SLC16A1: variants seen among roughly 807,000 people sequenced by gnomAD.
The protein encoded by SLC16A1 is solute carrier family 16 member 1, also known as monocarboxylate transporter 1.
Under a neutral mutation model 32.2 loss-of-function variants are expected in SLC16A1, and 11 were observed. The observed-to-expected ratio is 0.34, with a 90% confidence interval of 0.21 to 0.56. SLC16A1 has a LOEUF of 0.56. Ranked by LOEUF, SLC16A1 falls within the 20% of genes least tolerant of loss-of-function variation. The pLI, the probability that SLC16A1 is intolerant of heterozygous loss-of-function variation, is 0.87. For missense variants in SLC16A1, 435 were observed against 615.0 expected, an observed-to-expected ratio of 0.71 and a Z score of 3.10; for synonymous variants, 231 against 226.8, an observed-to-expected ratio of 1.02 and a Z score of -0.17.
At chr1:112,916,937 A>G (rs538136130) in intron 4 of SLC16A1, among the ~76,000 whole-genome samples, 2 of 152,324 alleles carry the variant, frequency 1.3e-5, no homozygotes, top group East Asian at 3.9e-4. Flanking sequence ...TCAAAAAAAA[A>G]GAAAAAACAC....
intron 1 of SLC16A1, among the ~76,000 whole-genome samples, chr1:112,931,602 G>A (rs541999710): frequency 6.7e-5 from 9 of 135,040 alleles, no homozygotes; most frequent in African/African-American, 2.6e-4. Flanking sequence ...CCGGGATCAT[G>A]CCACTGCACT....
chr1:112,927,027 G>A (rs564728016), intron 2 of SLC16A1, among the ~76,000 whole-genome samples: 13 of 151,254 alleles, frequency 8.6e-5, no homozygotes, highest in African/African-American at 2.9e-4. Flanking sequence ...TGGGGAGGCT[G>A]AGGCAGGAGG....
intron 1 of SLC16A1, among the ~76,000 whole-genome samples, chr1:112,938,215 T>A (rs1649376077): frequency 6.6e-6 from 1 of 152,168 alleles, no homozygotes; most frequent in Admixed American, 6.5e-5. Flanking sequence ...TGTTAATGAG[T>A]GTAAACTAGT....
chr1:112,916,216 T>G (rs1648498892), intron 4 of SLC16A1, among the ~76,000 whole-genome samples: 1 of 151,270 alleles, frequency 6.6e-6, no homozygotes, highest in South Asian at 2.1e-4. Context: ...AAAAAATTTA[T>G]GGATCAGGCA....
chr1:112,940,749 C>T (rs1369999464), intron 1 of SLC16A1, among the ~76,000 whole-genome samples: 2 of 152,082 alleles, frequency 1.3e-5, no homozygotes, highest in African/African-American at 4.8e-5. Flanking sequence ...AAAGTATGCA[C>T]ATACTTCTTA....
Position 112,917,812 on chromosome 1 carries a change from G to A in SLC16A1, c.594C>T (p.Ile198=), listed in dbSNP as rs755634416. 8.7e-6 allele frequency: 14 copies of A among 1,614,026 alleles called. No homozygotes were observed. The South Asian group carries it at 8.8e-5, about 10-fold the overall frequency. ...CCVAGALMRP[I]GPKPTKAGKD... ...TCCCTGCCTTGGTTGGCTTGGGCCC[G>A]ATTGGTCGCATGAGGGCTCCAGCAA... Residue 198 remains isoleucine, a synonymous_variant, in exon 4 of 5, where the codon ATC becomes ATT. Transcript: ENST00000369626. This position sits in a 1 kb window ranked among gnomAD's most constrained non-coding sequence, Gnocchi z 4.1.
At chr1:112,923,745 C>G in intron 2 of SLC16A1, 1 of 1,527,936 alleles carries the variant, frequency 6.5e-7, no homozygotes, top group Non-Finnish European at 9.1e-7. Flanking sequence ...CCAGCTGCAC[C>G]AGGAGGGCAA....
chr1:112,937,938 TTC>T (rs1242015075), intron 1 of SLC16A1, among the ~76,000 whole-genome samples: 1 of 152,172 alleles, frequency 6.6e-6, no homozygotes, highest in African/African-American at 2.4e-5. Flanking sequence ...CTTCTAGATT[TTC>T]TGATATTTTT....
At chr1:112,945,804 C>G (rs1276048697) in intron 1 of SLC16A1, among the ~76,000 whole-genome samples, 1 of 151,720 alleles carries the variant, frequency 6.6e-6, no homozygotes, top group Non-Finnish European at 1.5e-5. Context: ...ACCAGCCTGA[C>G]CAACATGGAG....
At chr1:112,914,653 A>C (rs1362357658) in intron 4 of SLC16A1, among the ~76,000 whole-genome samples, 1 of 152,260 alleles carries the variant, frequency 6.6e-6, no homozygotes, top group Non-Finnish European at 1.5e-5. Flanking sequence ...TCTTTATAAC[A>C]GGCAGATTCT....
chr1:112,941,511 G>A (rs1365304352), intron 1 of SLC16A1, among the ~76,000 whole-genome samples: 1 of 152,070 alleles, frequency 6.6e-6, no homozygotes, highest in African/African-American at 2.4e-5. Context: ...TCAAACCCCC[G>A]ACCTCAGGTC....
At chr1:112,945,702 C>A (rs1431170487) in intron 1 of SLC16A1, among the ~76,000 whole-genome samples, 6 of 149,812 alleles carry the variant, frequency 4.0e-5, no homozygotes, top group African/African-American at 1.5e-4. Flanking sequence ...AAAAAAATTA[C>A]CTACTGTTGT....
At chr1:112,919,549 C>T (rs1648642885) in intron 3 of SLC16A1, among the ~76,000 whole-genome samples, 1 of 152,014 alleles carries the variant, frequency 6.6e-6, no homozygotes, top group Admixed American at 6.6e-5. Context: ...GTTTCAGGAA[C>T]CAGTAAAAAT....
intron 1 of SLC16A1, among the ~76,000 whole-genome samples, chr1:112,934,978 C>G (rs536715661): frequency 4.3e-4 from 66 of 152,142 alleles, no homozygotes; most frequent in African/African-American, 1.6e-3. Flanking sequence ...ATAGGCATAG[C>G]AATATGAATA....
intron 1 of SLC16A1, among the ~76,000 whole-genome samples, chr1:112,938,394 A>G (rs1649383443): frequency 6.6e-6 from 1 of 152,148 alleles, no homozygotes. Flanking sequence ...AGTCTAGGAA[A>G]CCTCACTTTC....
intron 2 of SLC16A1, chr1:112,924,406 T>G: frequency 1.8e-6 from 2 of 1,090,938 alleles, no homozygotes; most frequent in South Asian, 2.5e-5. Context: ...TCACACTTTC[T>G]TTAATTTAGA....
At chr1:112,951,949 C>T (rs1649911869) in intron 1 of SLC16A1, among the ~76,000 whole-genome samples, 1 of 152,100 alleles carries the variant, frequency 6.6e-6, no homozygotes, top group South Asian at 2.1e-4. Flanking sequence ...TTTCCACTTG[C>T]AAACCACTAG....
intron 3 of SLC16A1, among the ~76,000 whole-genome samples, chr1:112,918,940 AC>A (rs1174205769): frequency 6.6e-6 from 1 of 152,186 alleles, no homozygotes; most frequent in Non-Finnish European, 1.5e-5. Context: ...TAAAATACAC[AC>A]AAAGTTTTGG....
At chr1:112,924,390 T>C in intron 2 of SLC16A1, 1 of 1,141,490 alleles carries the variant, frequency 8.8e-7, no homozygotes. Flanking sequence ...TAACCTCTTT[T>C]GTTTCTCACA....
Sources: gnomAD v4.1 joint callset for allele counts (sites outside exome capture counted in the v4.1 genomes callset) on GRCh38, gnomAD v4.1.1 for gene constraint, Gnocchi (gnomAD v3.1) non-coding constraint, MANE v1.5 for transcripts, NCBI Gene and HGNC (gene_info 2026-07-23, HGNC 2026-07-21) for gene names.